Variants in E2F7 observed in about 807,000 individuals in gnomAD.
E2F7 encodes transcription factor E2F7.
E2F7 carries 35 observed loss-of-function variants against 81.1 expected under a neutral mutation model. The ratio of observed to expected loss-of-function variants is 0.43; its 90% CI spans 0.33 to 0.57. The LOEUF (loss-of-function observed/expected upper bound fraction) is 0.57. Among genes scored for constraint, E2F7 ranks in the 20% least tolerant of loss-of-function variants. The pLI is 0.04. For synonymous variants in E2F7, 416 were observed against 416.2 expected (o/e 1.00, Z 0.01); for missense variants, 961 against 1,093.7 (o/e 0.88, Z 1.71).
intron 8 of E2F7, among the ~76,000 whole-genome samples, chr12:77,033,547 C>A (rs1431989003): frequency 6.6e-6 from 1 of 152,156 alleles, no homozygotes; most frequent in Non-Finnish European, 1.5e-5. Flanking sequence ...GTATTTAAAA[C>A]AAGCATTGCT....
At position 77,055,932 on chromosome 12, in the gene E2F7, T is replaced by C. The variant is rs1277215317; in HGVS notation, c.292A>G (p.Ile98Val). ...CCCTTTTTCTTCTCCCGGTCCCTTA[T>C]ATCTGGGCTGGCAGCACTAATGAGC... ...KMLISAASPD[I>V]RDREKKKGLF... The change falls in exon 3 of 13, where the codon ATA becomes GTA. Residue 98 changes from isoleucine to valine, a missense_variant. By Grantham distance (29) the Ile-to-Val change is conservative. Around this residue, in one of 3 missense-constraint regions of E2F7, gnomAD observed 301 missense variants for 405.0 expected, o/e 0.74. Transcript: ENST00000322886. 20 of 1,614,032 alleles carry C rather than the reference T, an allele frequency of 1.2e-5. No individual in the cohort carries two copies. The highest frequency in any genetic ancestry group is 1.5e-5 in the Non-Finnish European group (18 of 1,180,026).
intron 10 of E2F7, among the ~76,000 whole-genome samples, chr12:77,029,510 A>T (rs906365718): frequency 2.6e-5 from 4 of 152,244 alleles, no homozygotes; most frequent in Non-Finnish European, 5.9e-5. Context: ...AATTTGTTTT[A>T]AAAAAAGGAT....
Position 77,034,560 on chromosome 12 carries a change from G to A in E2F7, c.1124-518C>T, listed in dbSNP as rs560667610. Among the ~76,000 whole-genome samples the A allele has an allele frequency of 2.0e-5, 3 of 152,274 alleles. No individual in the cohort carries two copies. The East Asian group carries it at 5.8e-4, about 29-fold the overall frequency. On this transcript the variant is annotated intron_variant, in intron 7 of 12. Transcript: ENST00000322886. ...GAGGCTCAGTTACTACGTGACCAAA[G>A]GAATAAGGTCAGCAGAAACCTCATG...
intron 11 of E2F7, 35 bp downstream of exon 11, chr12:77,027,848 C>A (rs371615117): frequency 6.2e-7 from 1 of 1,605,068 alleles, no homozygotes; most frequent in Non-Finnish European, 8.5e-7. Context: ...ATCTGACTGC[C>A]GCAAGGGACT....
intron 7 of E2F7, among the ~76,000 whole-genome samples, chr12:77,037,785 A>G (rs1954863865): frequency 6.6e-6 from 1 of 152,196 alleles, no homozygotes; most frequent in Non-Finnish European, 1.5e-5. Flanking sequence ...AAATAGCAAG[A>G]TGACAGATTA....
Position 77,022,561 on chromosome 12 carries a change from AAAAAT to A in E2F7, c.*1449_*1453del, listed in dbSNP as rs1313042072. On this transcript the variant is annotated 3_prime_UTR_variant, in exon 13 of 13. Transcript: ENST00000322886. ...ATAACATTTTATTGGGTCAAAAAAT[AAAAAT>A]AAAATAAAACCCTACACCAGGATTC... The A allele has an allele frequency of 2.0e-5, 3 of 152,566 alleles. No homozygotes were observed. The highest frequency in any genetic ancestry group is 2.1e-4 in the South Asian group (1 of 4,826). 9.5% of individuals were successfully genotyped at this position (152,566 alleles called of 1,614,324 possible). A position where few individuals can be genotyped will look rare whatever the true frequency, so the allele number is the denominator to read the frequency against.
At chr12:77,065,071 G>A (rs1955107854) in intron 1 of E2F7, among the ~76,000 whole-genome samples, 1 of 152,174 alleles carries the variant, frequency 6.6e-6, no homozygotes, top group African/African-American at 2.4e-5. Flanking sequence ...ACTCAGCGCT[G>A]AGCGCAGCCC....
chr12:77,029,715 C>A, intron 10 of E2F7, 116 bp downstream of exon 10: 2 of 1,484,848 alleles, frequency 1.3e-6, no homozygotes, highest in Non-Finnish European at 1.8e-6. Flanking sequence ...ATGCAAGTGA[C>A]ATGAAACAGC....
intron 7 of E2F7, among the ~76,000 whole-genome samples, chr12:77,036,534 C>A (rs1161844470): frequency 2.0e-5 from 3 of 150,224 alleles, no homozygotes; most frequent in Admixed American, 6.6e-5. Context: ...CCTTTGTCTC[C>A]AAAAAAAATA....
chr12:77,025,594 G>A lies in E2F7; in HGVS notation c.2529C>T (p.Tyr843=), dbSNP rs116174650. The A allele has an allele frequency of 4.0e-3, 6,492 of 1,614,178 alleles. 142 individuals are homozygous for A. The African/African-American group carries it at 0.043, about 11-fold the overall frequency. The change falls in exon 12 of 13, where the codon TAC becomes TAT. Residue 843 remains tyrosine, a synonymous_variant. Transcript: ENST00000322886. ...TTACTACTGAGACTGGATGTCCCACGTAAACGGGGGACTCAGGTTGTTGGA... is the reference window on the plus strand; with the variant it reads ...TTACTACTGAGACTGGATGTCCCACATAAACGGGGGACTCAGGTTGTTGGA... ...SVVQQPESPV[Y]VGHPVSVVKL...
chr12:77,052,949 G>A (rs558803127), intron 3 of E2F7, among the ~76,000 whole-genome samples: 1 of 152,194 alleles, frequency 6.6e-6, no homozygotes, highest in South Asian at 2.1e-4. Context: ...AAAAGCAAAT[G>A]TATATCACAA....
intron 4 of E2F7, among the ~76,000 whole-genome samples, chr12:77,047,618 T>C (rs78382757): frequency 0.05 from 7,563 of 152,298 alleles, 267 homozygotes; most frequent in Non-Finnish European, 0.074. Flanking sequence ...AATGTAGCTG[T>C]TGGCCCTTCA....
At chr12:77,030,657 A>C (rs1349446142) in intron 9 of E2F7, among the ~76,000 whole-genome samples, 2 of 152,222 alleles carry the variant, frequency 1.3e-5, no homozygotes, top group Non-Finnish European at 2.9e-5. Context: ...AGGCATGTAC[A>C]TACTATTATA....
chr12:77,064,546 T>C lies in E2F7; in HGVS notation c.90A>G (p.Gln30=). The C allele has an allele frequency of 1.2e-6, 2 of 1,613,996 alleles. No homozygotes were observed. The highest frequency in any genetic ancestry group is 1.7e-6 in the Non-Finnish European group (2 of 1,179,900). The part of the protein sequence containing the change: ...DFAVEDGENA[Q]KENIFVDRSR... Reference sequence around the variant, plus strand: ...TAAGGTGTTTATGTTTGCTTACCTTTTGTGCATTTTCCCCATCTTCAACTG... The same window carrying C: ...TAAGGTGTTTATGTTTGCTTACCTTCTGTGCATTTTCCCCATCTTCAACTG... The change falls in exon 2 of 13, where the codon CAA becomes CAG. Residue 30 remains glutamine (Q), a synonymous_variant. Transcript: ENST00000322886.
rs540175023 is a variant in E2F7, at chr12:77,040,293, C to T, written c.1123+2772G>A. On this transcript the variant is annotated intron_variant, in intron 7 of 12. Transcript: ENST00000322886. The stretch of plus-strand genomic sequence containing the variant: ...ATATTCTCCATAAGGCACAATGCAG[C>T]TTTCTTGTGCTAAGAAACACTAGAC... 8.8e-4 allele frequency among the ~76,000 whole-genome samples: 134 copies of T among 152,298 alleles called. 1 individual carries two copies. The highest frequency in any genetic ancestry group is 3.1e-3 in the African/African-American group (127 of 41,564).
At chr12:77,058,547 C>T (rs1308030107) in intron 2 of E2F7, among the ~76,000 whole-genome samples, 1 of 152,122 alleles carries the variant, frequency 6.6e-6, no homozygotes, top group Non-Finnish European at 1.5e-5. Context: ...TAGTACCTAG[C>T]GAGAGGCAGC....
At chr12:77,045,616 TTGTC>T (rs1334515092) in intron 5 of E2F7, 2 of 159,450 alleles carry the variant, frequency 1.3e-5, no homozygotes, top group Non-Finnish European at 1.4e-5. Context: ...AAAGCAGAGG[TTGTC>T]TGTCTTTCTT....
chr12:77,043,499 C>G (rs1954911584), intron 6 of E2F7, among the ~76,000 whole-genome samples: 2 of 151,986 alleles, frequency 1.3e-5, no homozygotes, highest in South Asian at 4.1e-4. Context: ...AGGGAATGGG[C>G]TGTAATTAAA....
chr12:77,049,439 A>C (rs1166251968), intron 4 of E2F7, among the ~76,000 whole-genome samples: 2 of 152,182 alleles, frequency 1.3e-5, no homozygotes, highest in African/African-American at 4.8e-5. Context: ...AGAGCTCTCC[A>C]TGCCAGCCAT....
Sources: allele counts gnomAD v4.1 joint callset (sites outside exome capture counted in the v4.1 genomes callset), GRCh38; gene constraint gnomAD v4.1.1; regional missense constraint gnomAD v4.1.1; transcripts MANE v1.5; gene names NCBI Gene and HGNC (gene_info 2026-07-23, HGNC 2026-07-21).